Variants in DOCK2 observed in about 807,000 individuals in gnomAD.
The protein encoded by DOCK2 is dedicator of cytokinesis 2, also known as dedicator of cytokinesis protein 2.
Under a neutral mutation model 248.9 loss-of-function variants are expected in DOCK2, and 87 were observed. The ratio of observed to expected loss-of-function variants is 0.35; its 90% CI spans 0.29 to 0.42. The LOEUF (loss-of-function observed/expected upper bound fraction) is 0.42. Ranked by LOEUF, DOCK2 falls within the 10% of genes least tolerant of loss-of-function variation. DOCK2 has a pLI of 1.00. For missense variants in DOCK2, 1,747 were observed against 2,300.2 expected (o/e 0.76, Z 4.92); for synonymous variants, 805 against 821.6 (o/e 0.98, Z 0.35).
In DOCK2 at chr5:169,759,728, A is replaced by G. The variant is rs748092513; in HGVS notation, c.2400A>G (p.Pro800=). ...AGGTGGCGGCTTTGAAATACATCCC[A>G]TCTGTCCTGCATGATGTAGAAATGG... ...LLQVAALKYI[P]SVLHDVEMVF... The change falls in exon 24 of 52, where the codon CCA becomes CCG. Residue 800 remains proline (P), a synonymous_variant. Transcript: ENST00000520908. 1.6e-5 allele frequency: 26 copies of G among 1,613,896 alleles called. No homozygotes were observed. In the South Asian group the frequency reaches 2.5e-4, roughly 16 times the overall value.
At chr5:169,807,858 A>AAAAAAAAAAAAAAAAAAAAAC in intron 26 of DOCK2, among the ~76,000 whole-genome samples, 1 of 150,256 alleles carries the variant, frequency 6.7e-6, no homozygotes, top group Non-Finnish European at 1.5e-5. Context: ...AAAAAAAAAA[A>AAAAAAAAAAAAAAAAAAAAAC]ATCTAGCATC....
At chr5:170,054,848 C>T (rs578036212) in intron 41 of DOCK2, among the ~76,000 whole-genome samples, 5 of 152,228 alleles carry the variant, frequency 3.3e-5, no homozygotes, top group East Asian at 1.9e-4. Flanking sequence ...AATACAAACT[C>T]GGATCTGTTC....
At chr5:169,953,281 C>T (rs1776738639) in intron 27 of DOCK2, among the ~76,000 whole-genome samples, 1 of 148,276 alleles carries the variant, frequency 6.7e-6, no homozygotes, top group Non-Finnish European at 1.5e-5. Context: ...TGCAGTAAGC[C>T]GAGATTACAC....
intron 2 of DOCK2, 113 bp from the exon 3 acceptor site, chr5:169,669,175 A>G: frequency 7.6e-7 from 1 of 1,314,116 alleles, no homozygotes; most frequent in Non-Finnish European, 1.1e-6. Context: ...CCCAAGGTCT[A>G]AAGCAATTTG....
At chr5:170,065,032 A>T (rs1057427825) in intron 44 of DOCK2, among the ~76,000 whole-genome samples, 1 of 152,186 alleles carries the variant, frequency 6.6e-6, no homozygotes, top group Admixed American at 6.5e-5. Context: ...AAGGCAAAAA[A>T]AATATAAAAA....
At chr5:169,995,779 G>T (rs750655325) in intron 29 of DOCK2, among the ~76,000 whole-genome samples, 6 of 152,132 alleles carry the variant, frequency 3.9e-5, no homozygotes, top group Admixed American at 6.5e-5. Flanking sequence ...GGGATGGGGG[G>T]GGTGATTTCT....
At chr5:169,982,463 T>C (rs1777969149) in intron 27 of DOCK2, among the ~76,000 whole-genome samples, 2 of 152,202 alleles carry the variant, frequency 1.3e-5, no homozygotes, top group Admixed American at 1.3e-4. Flanking sequence ...TGGTACTTAG[T>C]TGGCTTTGCC....
At chr5:169,886,947 A>G (rs999160532) in intron 27 of DOCK2, among the ~76,000 whole-genome samples, 1 of 152,178 alleles carries the variant, frequency 6.6e-6, no homozygotes. Context: ...TCTCTTCCTT[A>G]ATCCTATGAC....
At chr5:170,024,660 C>G (rs908121777) in intron 33 of DOCK2, among the ~76,000 whole-genome samples, 1 of 152,126 alleles carries the variant, frequency 6.6e-6, no homozygotes, top group African/African-American at 2.4e-5. Flanking sequence ...TAGATGAGCA[C>G]ATTAAGCCTT....
intron 27 of DOCK2, among the ~76,000 whole-genome samples, chr5:169,866,829 C>T (rs1328358297): frequency 6.6e-6 from 1 of 152,218 alleles, no homozygotes; most frequent in African/African-American, 2.4e-5. Flanking sequence ...CAGAAGAAGA[C>T]TTCTATGACC....
chr5:169,712,361 A>C, intron 17 of DOCK2, 138 bp downstream of exon 17: 1 of 663,218 alleles, frequency 1.5e-6, no homozygotes, highest in Non-Finnish European at 2.6e-6. Flanking sequence ...GCCTCTTATA[A>C]ACTCTTGACT....
At chr5:169,956,485 A>T (rs1776871224) in intron 27 of DOCK2, among the ~76,000 whole-genome samples, 1 of 152,258 alleles carries the variant, frequency 6.6e-6, no homozygotes, top group Admixed American at 6.5e-5. Flanking sequence ...GATTAGATTT[A>T]AGGAGGGACT....
rs1561709040 is a variant in DOCK2, at chr5:169,801,146, G to GGTTTTTT, written c.2555-1912_2555-1911insGTTTTTT. Among the ~76,000 whole-genome samples, 5 of 76,052 alleles carry GGTTTTTT rather than the reference G, an allele frequency of 6.6e-5. 1 individual carries two copies. Among genetic ancestry groups the GGTTTTTT allele is most frequent in the Non-Finnish European group, 5.6e-5 (2 of 35,922 alleles). The allele number at this position is 76,052 out of a possible 152,430, so 49.9% of individuals were successfully genotyped here. A position where few individuals can be genotyped will look rare whatever the true frequency, so the allele number is the denominator to read the frequency against. ...TGCCACCATGCCCAGATAGTTTTGG[G>GGTTTTTT]TTTTTTTTTTTTTTTTTTTTTTTTT... On this transcript the variant is annotated intron_variant, in intron 25 of 51. Transcript: ENST00000520908.
intron 14 of DOCK2, among the ~76,000 whole-genome samples, chr5:169,706,400 G>A (rs1286062892): frequency 6.6e-6 from 1 of 152,230 alleles, no homozygotes; most frequent in Admixed American, 6.5e-5. Flanking sequence ...GAGGGTCTGT[G>A]ATGTTGTCCT....
intron 44 of DOCK2, among the ~76,000 whole-genome samples, chr5:170,064,640 A>C (rs1291041361): frequency 6.6e-6 from 1 of 152,068 alleles, no homozygotes; most frequent in African/African-American, 2.4e-5. Context: ...AACAACATAC[A>C]CATTATTGAG....
In DOCK2 at chr5:169,852,201, G is replaced by A. The variant is rs147178232; in HGVS notation, c.2799+11349G>A. ...TAATGAAATTACCTCCAAATATCTC[G>A]GTGCCTTTCAGCTTCTGTTAGTGGA... On this transcript the variant is annotated intron_variant, in intron 27 of 51. Transcript: ENST00000520908. 3.1e-3 allele frequency among the ~76,000 whole-genome samples: 474 copies of A among 152,230 alleles called. 2 individuals carry two copies. The highest frequency in any genetic ancestry group is 0.011 in the African/African-American group (456 of 41,524).
Position 169,817,239 on chromosome 5 carries a change from A to T in DOCK2, c.2703+14033A>T, listed in dbSNP as rs1768118504. ...GCTTTATTGTAGAATTTAGCACTTA[A>T]TTATATGCAGCTTGACATTTGCTCT... On this transcript the variant is annotated intron_variant, in intron 26 of 51. Transcript: ENST00000520908. Among the ~76,000 whole-genome samples the T allele has an allele frequency of 2.6e-5, 4 of 152,214 alleles. No individual in the cohort carries two copies. In the South Asian group the frequency reaches 8.3e-4, roughly 32 times the overall value.
chr5:169,720,948 T>A (rs1762166780), intron 22 of DOCK2, among the ~76,000 whole-genome samples: 1 of 152,188 alleles, frequency 6.6e-6, no homozygotes, highest in South Asian at 2.1e-4. Context: ...GGTCTTGATC[T>A]CCTGATCTCG....
chr5:170,050,180 A>C, intron 40 of DOCK2, 76 bp from the exon 41 acceptor site: 2 of 1,562,636 alleles, frequency 1.3e-6, no homozygotes, highest in Non-Finnish European at 1.7e-6. Context: ...GTCATTTTAC[A>C]AGCTCCCCAG....
Sources: gnomAD v4.1 joint callset for allele counts (sites outside exome capture counted in the v4.1 genomes callset) on GRCh38, gnomAD v4.1.1 for gene constraint, MANE v1.5 for transcripts, NCBI Gene and HGNC (gene_info 2026-07-23, HGNC 2026-07-21) for gene names.